RPTOR: variants seen among roughly 807,000 people sequenced by gnomAD.
RPTOR encodes regulatory-associated protein of mTOR.
A neutral mutation model predicts 169.9 loss-of-function variants in RPTOR; 21 were observed. That is an observed-to-expected ratio of 0.12 (90% CI 0.09 to 0.18). RPTOR has a LOEUF of 0.18. Among genes scored for constraint, RPTOR ranks in the 10% least tolerant of loss-of-function variants. The pLI is 1.00. For synonymous variants in RPTOR, 732 were observed against 753.2 expected, an observed-to-expected ratio of 0.97 and a Z score of 0.46; for missense variants, 1,133 against 1,855.9, an observed-to-expected ratio of 0.61 and a Z score of 7.16.
At chr17:80,750,031 T>G (rs754355130) in intron 5 of RPTOR, among the ~76,000 whole-genome samples, 1 of 151,512 alleles carries the variant, frequency 6.6e-6, no homozygotes, top group South Asian at 2.1e-4. Flanking sequence ...AAAAAAAATT[T>G]TGGAGTGATG....
intron 3 of RPTOR, among the ~76,000 whole-genome samples, chr17:80,705,215 G>A (rs2066133621): frequency 1.3e-5 from 2 of 152,286 alleles, no homozygotes; most frequent in African/African-American, 2.4e-5. Context: ...CGCGTTATCA[G>A]TTGGTTAGCT....
At chr17:80,897,962 C>G (rs1019068159) in intron 20 of RPTOR, among the ~76,000 whole-genome samples, 1 of 152,228 alleles carries the variant, frequency 6.6e-6, no homozygotes, top group Non-Finnish European at 1.5e-5. Context: ...TCCAAAAAAA[C>G]TGGCTCAGGA....
chr17:80,828,731 G>C (rs1310114109), intron 9 of RPTOR, among the ~76,000 whole-genome samples: 1 of 152,228 alleles, frequency 6.6e-6, no homozygotes, highest in Admixed American at 6.5e-5. Flanking sequence ...GGACTAATGG[G>C]ATGTTCTGAA....
At chr17:80,731,492 G>A (rs12603074) in intron 5 of RPTOR, among the ~76,000 whole-genome samples, 27,275 of 152,122 alleles carry the variant, frequency 0.18, 2,902 homozygotes, top group East Asian at 0.24. Flanking sequence ...TTCAAAAAGC[G>A]GAAAGCCTGT....
At chr17:80,829,658 G>A (rs968607965) in intron 9 of RPTOR, among the ~76,000 whole-genome samples, 13 of 152,168 alleles carry the variant, frequency 8.5e-5, no homozygotes, top group Non-Finnish European at 1.5e-4. Flanking sequence ...TGGCAGTGCC[G>A]CGTGCATGGA....
chr17:80,837,445 G>A (rs1038763581), intron 9 of RPTOR, among the ~76,000 whole-genome samples: 11 of 152,178 alleles, frequency 7.2e-5, no homozygotes, highest in African/African-American at 2.4e-4. Context: ...CTGACTGCAT[G>A]CCGACCCCTC....
intron 1 of RPTOR, among the ~76,000 whole-genome samples, chr17:80,557,467 A>G (rs1021877113): frequency 6.6e-6 from 1 of 151,918 alleles, no homozygotes; most frequent in African/African-American, 2.4e-5. Flanking sequence ...CAGTGAGCCA[A>G]GATCATGCCA....
At position 80,936,163 on chromosome 17, in the gene RPTOR, ACTACACAC is replaced by A; in HGVS notation, c.2920-4330_2920-4323del. ...GTACGGACCCCTGCAGTGAGATCCC[ACTACACAC>A]CTGTTAGAATGTCTCGAATCTTAAA... On this transcript the variant is annotated intron_variant, in intron 24 of 33. Coordinates refer to ENST00000306801, the MANE Select transcript of RPTOR (RefSeq NM_020761.3). The surrounding 1 kb of genome is among the most constrained non-coding windows in gnomAD (Gnocchi z 4.1). Among the ~76,000 whole-genome samples, 1 of 152,378 alleles carries A rather than the reference ACTACACAC, an allele frequency of 6.6e-6. No homozygotes were observed. The highest frequency in any genetic ancestry group is 1.5e-5 in the Non-Finnish European group (1 of 68,038).
At chr17:80,616,930 T>C (rs1424637987) in intron 1 of RPTOR, among the ~76,000 whole-genome samples, 1 of 152,192 alleles carries the variant, frequency 6.6e-6, no homozygotes, top group Non-Finnish European at 1.5e-5. Flanking sequence ...GCTTGCTAGT[T>C]ACCTTGGATA....
At chr17:80,738,888 CAAAG>C (rs1400943854) in intron 5 of RPTOR, among the ~76,000 whole-genome samples, 8 of 152,228 alleles carry the variant, frequency 5.3e-5, no homozygotes, top group Admixed American at 2.6e-4. Context: ...TGAGAAGAAA[CAAAG>C]AAAACTTGAT....
intron 1 of RPTOR, among the ~76,000 whole-genome samples, chr17:80,557,431 C>A (rs551312033): frequency 5.3e-5 from 8 of 150,694 alleles, no homozygotes; most frequent in African/African-American, 2.0e-4. Context: ...GTATGAGAAT[C>A]GCTTGAACCC....
intron 20 of RPTOR, among the ~76,000 whole-genome samples, chr17:80,897,662 A>C (rs770289713): frequency 3.9e-5 from 6 of 152,192 alleles, no homozygotes; most frequent in Non-Finnish European, 5.9e-5. Context: ...ATTGGCATTC[A>C]CGAGTGGGTT....
chr17:80,698,993 G>A (rs2066060643), intron 3 of RPTOR, among the ~76,000 whole-genome samples: 2 of 152,234 alleles, frequency 1.3e-5, no homozygotes, highest in Admixed American at 6.5e-5. Context: ...TCTGCCTCGA[G>A]CTTATGTGCA....
intron 9 of RPTOR, among the ~76,000 whole-genome samples, chr17:80,837,660 A>G (rs1202293820): frequency 1.3e-5 from 2 of 152,202 alleles, no homozygotes; most frequent in East Asian, 3.9e-4. Flanking sequence ...TATTTTAAAG[A>G]GAAAAAATGT....
intron 13 of RPTOR, among the ~76,000 whole-genome samples, chr17:80,870,709 T>C (rs2068042680): frequency 6.6e-6 from 1 of 152,232 alleles, no homozygotes; most frequent in Admixed American, 6.5e-5. Context: ...TTTACTTGTG[T>C]CCCGAACTCT....
At position 80,947,832 on chromosome 17, in the gene RPTOR, G is replaced by C. The variant is rs1046344621; in HGVS notation, c.3265+481G>C. 6.6e-6 allele frequency among the ~76,000 whole-genome samples: 1 copy of C among 152,168 alleles called. No homozygotes were observed. Among genetic ancestry groups the C allele is most frequent in the African/African-American group, 2.4e-5 (1 of 41,446 alleles). On this transcript the variant is annotated intron_variant, in intron 27 of 33. Transcript: ENST00000306801. This position sits in a 1 kb window ranked among gnomAD's most constrained non-coding sequence, Gnocchi z 4.4. ...CCCGTCCTGCACCTGAAAGGACATC[G>C]TTGACCATCATGGTCGCTGACCAGT...
chr17:80,703,013 C>A (rs1335591095), intron 3 of RPTOR, among the ~76,000 whole-genome samples: 1 of 152,214 alleles, frequency 6.6e-6, no homozygotes, highest in Non-Finnish European at 1.5e-5. Context: ...TCTGTGGGCC[C>A]TGCAGTGAAC....
At chr17:80,567,530 G>A (rs1415510528) in intron 1 of RPTOR, among the ~76,000 whole-genome samples, 5 of 151,958 alleles carry the variant, frequency 3.3e-5, no homozygotes, top group East Asian at 1.9e-4. Context: ...GGTGGCTCAC[G>A]CCTGTAATCC....
intron 14 of RPTOR, 80 bp downstream of exon 14, chr17:80,880,569 C>T (rs1167054563): frequency 2.2e-6 from 3 of 1,343,926 alleles, no homozygotes; most frequent in East Asian, 2.4e-5. Context: ...GCGGTGGGGC[C>T]TTTTGACGGG....
Sources: allele counts gnomAD v4.1 joint callset (sites outside exome capture counted in the v4.1 genomes callset), GRCh38; gene constraint gnomAD v4.1.1; non-coding constraint Gnocchi (gnomAD v3.1); transcripts MANE v1.5; gene names NCBI Gene and HGNC (gene_info 2026-07-23, HGNC 2026-07-21).